Variants in FHIP1A observed in about 807,000 individuals in gnomAD.
FHIP1A encodes the protein FHF complex subunit HOOK-interacting protein 1A.
In FHIP1A, 61 loss-of-function variants were observed where a neutral mutation model predicts 88.6. The ratio of observed to expected loss-of-function variants is 0.69; its 90% confidence interval spans 0.56 to 0.85. The LOEUF is 0.85. Among genes scored for constraint, FHIP1A ranks in the 40% least tolerant of loss-of-function variants. The probability of loss-of-function intolerance (pLI) is 0.00; values close to 1 mark genes in which losing one functional copy is unlikely to be tolerated. For synonymous variants in FHIP1A, 478 were observed against 496.0 expected (o/e 0.96, Z 0.48); for missense variants, 1,154 against 1,273.5 (o/e 0.91, Z 1.43).
intron 11 of FHIP1A, among the ~76,000 whole-genome samples, chr4:151,654,224 C>T (rs995113852): frequency 1.3e-5 from 2 of 152,188 alleles, no homozygotes; most frequent in South Asian, 2.1e-4. Context: ...TGTATCATTA[C>T]AGTCTACTGG....
chr4:151,468,087 G>A (rs536799538), intron 2 of FHIP1A, among the ~76,000 whole-genome samples: 5 of 151,094 alleles, frequency 3.3e-5, no homozygotes, highest in African/African-American at 9.7e-5. Context: ...GATTGAGACC[G>A]TCCTGGCTAA....
In FHIP1A at chr4:151,497,858, G is replaced by A. The variant is rs543093287; in HGVS notation, c.-123+15210G>A. On this transcript the variant is annotated intron_variant, in intron 3 of 13. Transcript: ENST00000435205. ...TTAGTCTGTCTAGCTAAGTTTTAGCGAGAATTCTGCTAAATCGGTTTGGTG... is the reference window on the plus strand; with the variant it reads ...TTAGTCTGTCTAGCTAAGTTTTAGCAAGAATTCTGCTAAATCGGTTTGGTG... Among the ~76,000 whole-genome samples the A allele has an allele frequency of 2.0e-5, 3 of 152,262 alleles. No homozygotes were observed. In the East Asian group the frequency reaches 5.8e-4, roughly 29 times the overall value.
intron 9 of FHIP1A, among the ~76,000 whole-genome samples, chr4:151,643,955 A>G (rs976604011): frequency 3.9e-5 from 6 of 152,246 alleles, no homozygotes; most frequent in Admixed American, 1.3e-4. Context: ...GATATTTGAT[A>G]AATAGCTTTA....
chr4:151,468,838 AG>A (rs1729416146), intron 2 of FHIP1A, among the ~76,000 whole-genome samples: 1 of 151,896 alleles, frequency 6.6e-6, no homozygotes, highest in African/African-American at 2.4e-5. Flanking sequence ...GGTTTCCTTA[AG>A]GGCAGCACCT....
intron 3 of FHIP1A, among the ~76,000 whole-genome samples, chr4:151,500,263 C>T (rs1455156015): frequency 6.6e-6 from 1 of 152,056 alleles, no homozygotes; most frequent in African/African-American, 2.4e-5. Context: ...TATGGCCACT[C>T]TTTAATTTTC....
chr4:151,450,223 A>G lies in FHIP1A; in HGVS notation c.-355-4478A>G, dbSNP rs183743344. Among the ~76,000 whole-genome samples, 885 of 152,280 alleles carry G rather than the reference A, an allele frequency of 5.8e-3. 4 individuals carry two copies. Among genetic ancestry groups the G allele is most frequent in the Admixed American group, 9.0e-3 (137 of 15,290 alleles). The stretch of plus-strand genomic sequence containing the variant: ...TCAAACGTAAAGAAGTGTATAAAAT[A>G]AAAAGTAAAACTGAAATGTCTAGCC... On this transcript the variant is annotated intron_variant, in intron 1 of 13. Coordinates refer to ENST00000435205, the MANE Select transcript of FHIP1A (RefSeq NM_001109977.3).
At chr4:151,486,754 G>A (rs1020875307) in intron 3 of FHIP1A, among the ~76,000 whole-genome samples, 5 of 152,046 alleles carry the variant, frequency 3.3e-5, no homozygotes, top group Middle Eastern at 6.8e-3. Flanking sequence ...ATCGCCTGAG[G>A]TCGGGAGTTC....
intron 4 of FHIP1A, among the ~76,000 whole-genome samples, chr4:151,571,032 A>C (rs1293741879): frequency 6.6e-6 from 1 of 152,220 alleles, no homozygotes; most frequent in Non-Finnish European, 1.5e-5. Context: ...AATAGTAAGA[A>C]GCATTAGCCC....
At chr4:151,622,060 G>T (rs1291692940) in intron 7 of FHIP1A, among the ~76,000 whole-genome samples, 2 of 152,140 alleles carry the variant, frequency 1.3e-5, no homozygotes, top group African/African-American at 2.4e-5. Context: ...GTACCTGGTG[G>T]TGCATCAGGT....
intron 3 of FHIP1A, among the ~76,000 whole-genome samples, chr4:151,502,551 A>G (rs746873610): frequency 1.3e-5 from 2 of 152,182 alleles, no homozygotes; most frequent in Non-Finnish European, 2.9e-5. Flanking sequence ...ATAGGGCAAC[A>G]GGAATCACCC....
intron 3 of FHIP1A, among the ~76,000 whole-genome samples, chr4:151,516,791 G>A (rs1477050973): frequency 2.0e-5 from 3 of 151,480 alleles, no homozygotes; most frequent in Non-Finnish European, 4.4e-5. Context: ...TCATTCAAAA[G>A]TCAGGAAACA....
intron 3 of FHIP1A, among the ~76,000 whole-genome samples, chr4:151,532,619 G>T (rs1731918134): frequency 6.6e-6 from 1 of 152,180 alleles, no homozygotes; most frequent in African/African-American, 2.4e-5. Context: ...CTTGGTGGGG[G>T]GTGCTTTCTG....
rs1737594163 is a variant in FHIP1A, at chr4:151,664,575, C to A, written c.*1821C>A. 6.6e-6 allele frequency among the ~76,000 whole-genome samples: 1 copy of A among 152,218 alleles called. No individual in the cohort carries two copies. Among genetic ancestry groups the A allele is most frequent in the Non-Finnish European group, 1.5e-5 (1 of 68,050 alleles). On this transcript the variant is annotated 3_prime_UTR_variant, in exon 14 of 14. Coordinates refer to ENST00000435205, the MANE Select transcript of FHIP1A (RefSeq NM_001109977.3). ...AGCAGCCAGAAGGGATGAAGCACAGCAGACTGGTCTGCTTCTGGCTTCCTG... is the reference window on the plus strand; with the variant it reads ...AGCAGCCAGAAGGGATGAAGCACAGAAGACTGGTCTGCTTCTGGCTTCCTG...
chr4:151,558,744 TG>T (rs1733055911), intron 3 of FHIP1A, among the ~76,000 whole-genome samples: 1 of 152,214 alleles, frequency 6.6e-6, no homozygotes, highest in Non-Finnish European at 1.5e-5. Context: ...TGAGGCTCCC[TG>T]AAAGGGTTTT....
intron 3 of FHIP1A, among the ~76,000 whole-genome samples, chr4:151,497,006 G>A (rs1356019917): frequency 6.6e-6 from 1 of 151,956 alleles, no homozygotes; most frequent in Non-Finnish European, 1.5e-5. Flanking sequence ...AATCCTGAAA[G>A]CAACAATATA....
chr4:151,532,063 A>G (rs1389192968), intron 3 of FHIP1A, among the ~76,000 whole-genome samples: 2 of 152,196 alleles, frequency 1.3e-5, no homozygotes, highest in Non-Finnish European at 2.9e-5. Flanking sequence ...CAATGCTGCT[A>G]TTTGATTATT....
Position 151,577,862 on chromosome 4 carries a change from T to C in FHIP1A, c.518T>C (p.Leu173Pro), listed in dbSNP as rs747116506. The C allele has an allele frequency of 5.6e-5, 87 of 1,551,884 alleles. No individual in the cohort carries two copies. The highest frequency in any genetic ancestry group is 7.5e-5 in the Non-Finnish European group (86 of 1,147,030). The change falls in exon 5 of 14, where the codon CTT becomes CCT. Residue 173 changes from leucine (L) to proline (P), a missense_variant. Leu to Pro is a moderately conservative substitution (Grantham distance 98, BLOSUM62 -3). Transcript: ENST00000435205. ...VVLLNQLCSI[L>P]AKDPSILELF... ...CTACTCAATCAGCTCTGTTCCATTC[T>C]TGCCAAAGATCCATCCATTTTAGAA...
chr4:151,531,494 CTTTTTTCTTCT>C (rs1731875847), intron 3 of FHIP1A, among the ~76,000 whole-genome samples: 1 of 120,276 alleles, frequency 8.3e-6, no homozygotes, highest in Admixed American at 8.2e-5. Flanking sequence ...ACCGCATTTT[CTTTTTTCTTCT>C]TTTTTTTTTT....
intron 3 of FHIP1A, among the ~76,000 whole-genome samples, chr4:151,534,402 A>C (rs979194981): frequency 6.6e-6 from 1 of 152,194 alleles, no homozygotes; most frequent in Non-Finnish European, 1.5e-5. Context: ...CCTATGAGGT[A>C]GTTACTATAA....
Sources: gnomAD v4.1 joint callset for allele counts (sites outside exome capture counted in the v4.1 genomes callset) on GRCh38, gnomAD v4.1.1 for gene constraint, MANE v1.5 for transcripts, NCBI Gene and HGNC (gene_info 2026-07-23, HGNC 2026-07-21) for gene names.